The following ALMS1 variants were observed in gnomAD, a reference collection of about 807,000 sequenced individuals.
The protein encoded by ALMS1 is centrosome-associated protein ALMS1.
In ALMS1, 271 loss-of-function variants were observed where a neutral mutation model predicts 352.2. That is an observed-to-expected ratio of 0.77 (90% confidence interval 0.70 to 0.85). The LOEUF (loss-of-function observed/expected upper bound fraction) is 0.85, where lower values mean the gene tolerates loss of function less well. ALMS1 is among the 40% of genes least tolerant of loss of function. The pLI is 0.00. For synonymous variants in ALMS1, 1,865 were observed against 1,761.2 expected (o/e 1.06, Z -1.48); for missense variants, 5,445 against 4,870.7 (o/e 1.12, Z -3.51).
At chr2:73,458,056 T>TAAAAAA (rs1672109657) in intron 9 of ALMS1, 2 of 54,102 alleles carry the variant, frequency 3.7e-5, no homozygotes, top group African/African-American at 1.4e-4. Flanking sequence ...AAAAAAAAGG[T>TAAAAAA]CTAAAACTTT....
At chr2:73,517,132 A>G (rs767900671) in intron 10 of ALMS1, among the ~76,000 whole-genome samples, 5 of 151,866 alleles carry the variant, frequency 3.3e-5, no homozygotes, top group Non-Finnish European at 7.4e-5. Context: ...GACATACGGT[A>G]GAGACTCAAA....
chr2:73,496,229 G>A (rs1318207060), intron 10 of ALMS1, among the ~76,000 whole-genome samples: 3 of 152,062 alleles, frequency 2.0e-5, no homozygotes, highest in Non-Finnish European at 2.9e-5. Context: ...CCCCTATGCC[G>A]TTCCTTTGGA....
chr2:73,602,001 T>G (rs1675702543), intron 19 of ALMS1, among the ~76,000 whole-genome samples, 184 bp from the exon 20 acceptor site: 1 of 152,146 alleles, frequency 6.6e-6, no homozygotes, highest in African/African-American at 2.4e-5. Flanking sequence ...ATCCCTGCGG[T>G]TTCCAAGCTG....
At chr2:73,578,509 A>AT (rs1049753431) in intron 16 of ALMS1, among the ~76,000 whole-genome samples, 131 of 143,918 alleles carry the variant, frequency 9.1e-4, no homozygotes, top group African/African-American at 2.0e-3. Context: ...TTCCCTTTTC[A>AT]TTTTTTTTTT....
Position 73,386,183 on chromosome 2 carries a change from C to T in ALMS1, c.315C>T (p.Ser105=), listed in dbSNP as rs754611450. ...QHRYSEGERT[S]LEKIVPLTCH... The stretch of plus-strand genomic sequence containing the variant: ...GCTACTCGGAGGGCGAGCGGACCTC[C>T]CTGGAGAAGGTGAGGCGGGCCGGGG... The change falls in exon 1 of 23, where the codon TCC becomes TCT. Residue 105 remains serine (S), a synonymous_variant. Transcript: ENST00000613296. 42 of 1,541,992 alleles carry T rather than the reference C, an allele frequency of 2.7e-5. No individual in the cohort carries two copies. Among genetic ancestry groups the T allele is most frequent in the East Asian group, 1.7e-4 (7 of 40,386 alleles).
At chr2:73,400,408 T>C (rs1670851407) in intron 1 of ALMS1, among the ~76,000 whole-genome samples, 1 of 152,210 alleles carries the variant, frequency 6.6e-6, no homozygotes, top group South Asian at 2.1e-4. Context: ...GTTTTCTTTT[T>C]TGGTAATATG....
chr2:73,468,411 A>G (rs910177339), intron 9 of ALMS1, among the ~76,000 whole-genome samples: 2 of 152,032 alleles, frequency 1.3e-5, no homozygotes, highest in African/African-American at 2.4e-5. Flanking sequence ...ATTTACCTCA[A>G]CTGTTTTTAA....
chr2:73,489,921 T>G lies in ALMS1; in HGVS notation c.7962T>G (p.Phe2654Leu). ...TGCAGTTAAAAAGTCATTCCCCATT[T>G]CAGAACTTTATACCTGATGAATTCA... The part of the protein sequence containing the change: ...NSLQLKSHSP[F>L]QNFIPDEFKI... The change falls in exon 10 of 23, where the codon TTT becomes TTG. Residue 2654 changes from phenylalanine (F) to leucine (L), a missense_variant. Transcript: ENST00000613296. 6.2e-7 allele frequency: 1 copy of G among 1,614,194 alleles called. No homozygotes were observed. The highest frequency in any genetic ancestry group is 8.5e-7 in the Non-Finnish European group (1 of 1,180,028).
intron 13 of ALMS1, among the ~76,000 whole-genome samples, chr2:73,556,419 G>A (rs959927314): frequency 1.4e-4 from 22 of 152,142 alleles, no homozygotes; most frequent in African/African-American, 4.6e-4. Flanking sequence ...AAGAGAAATA[G>A]TATTAGACAA....
rs1675679219 is a variant in ALMS1 at position 73,601,262 on chromosome 2, T to C, written c.11940T>C (p.Thr3980=). The C allele has an allele frequency of 2.5e-6, 4 of 1,614,248 alleles. No homozygotes were observed. Among genetic ancestry groups the C allele is most frequent in the Admixed American group, 1.7e-5 (1 of 60,038 alleles). The change falls in exon 19 of 23, where the codon ACT becomes ACC. Residue 3980 remains threonine (T), a synonymous_variant. Transcript: ENST00000613296. ...CAAAGAAGGAAAACGTGCCTAACACTTGTGGCCCTGGCATCTCCTGGTTTG... is the reference window on the plus strand; with the variant it reads ...CAAAGAAGGAAAACGTGCCTAACACCTGTGGCCCTGGCATCTCCTGGTTTG... The part of the protein sequence containing the change: ...SRSKKENVPN[T]CGPGISWFEP...
At chr2:73,538,963 G>A (rs1231913381) in intron 12 of ALMS1, among the ~76,000 whole-genome samples, 1 of 152,190 alleles carries the variant, frequency 6.6e-6, no homozygotes, top group Non-Finnish European at 1.5e-5. Context: ...TGGGGGCAGG[G>A]CATAGCCAAA....
chr2:73,446,595 A>G (rs1416144991), intron 7 of ALMS1, among the ~76,000 whole-genome samples: 1 of 152,130 alleles, frequency 6.6e-6, no homozygotes, highest in Non-Finnish European at 1.5e-5. Flanking sequence ...AACCCATTTC[A>G]TTCTATATTC....
At chr2:73,502,395 T>G (rs1010237215) in intron 10 of ALMS1, among the ~76,000 whole-genome samples, 7 of 152,118 alleles carry the variant, frequency 4.6e-5, no homozygotes, top group East Asian at 1.9e-4. Context: ...TTCTCATGCC[T>G]TTTATTTCTT....
In ALMS1 at chr2:73,406,545, A is replaced by T. The variant is rs537744391; in HGVS notation, c.325-2077A>T. ...ATTTTTTTGGTAGGGATATATTTTG[A>T]TTCTCTTATTTCCTTTTGTGTATAT... On this transcript the variant is annotated intron_variant, in intron 1 of 22. Transcript: ENST00000613296. Among the ~76,000 whole-genome samples the T allele has an allele frequency of 6.0e-4, 84 of 139,116 alleles. 1 individual carries two copies. Among genetic ancestry groups the T allele is most frequent in the African/African-American group, 2.2e-3 (82 of 37,100 alleles). 91.3% of individuals were successfully genotyped at this position (139,116 alleles called of 152,430 possible). A position where few individuals can be genotyped will look rare whatever the true frequency, so the allele number is the denominator to read the frequency against.
At position 73,451,569 on chromosome 2, in the gene ALMS1, A is replaced by G. The variant is rs765044083; in HGVS notation, c.5042A>G (p.Asp1681Gly). The G allele has an allele frequency of 2.5e-6, 4 of 1,614,048 alleles. No individual in the cohort carries two copies. The highest frequency in any genetic ancestry group is 1.1e-5 in the South Asian group (1 of 91,078). The change falls in exon 8 of 23, where the codon GAC becomes GGC. Residue 1681 changes from aspartate (D) to glycine (G), a missense_variant. Physicochemically the swap from Asp to Gly is moderately conservative, Grantham distance 94. Coordinates refer to ENST00000613296, the MANE Select transcript of ALMS1 (RefSeq NM_001378454.1). ...ATTTTCTACCAGCAGACCCTATCAG[A>G]CAGTCATTTACCTGAAGAAGCTCTG... is the stretch of plus-strand genomic sequence containing the variant. ...PVIFYQQTLS[D>G]SHLPEEALKV...
intron 9 of ALMS1, among the ~76,000 whole-genome samples, chr2:73,460,482 A>G (rs774710863): frequency 1.1e-4 from 16 of 152,332 alleles, no homozygotes; most frequent in Non-Finnish European, 2.1e-4. Context: ...CCAAATAGGA[A>G]CAGCTCCGGT....
chr2:73,514,225 T>C (rs1055501992), intron 10 of ALMS1, among the ~76,000 whole-genome samples: 11 of 152,216 alleles, frequency 7.2e-5, no homozygotes, highest in Non-Finnish European at 1.2e-4. Context: ...ACATTTAATA[T>C]AATTATTGAG....
chr2:73,577,600 C>T (rs1485024887), intron 16 of ALMS1, among the ~76,000 whole-genome samples: 1 of 151,896 alleles, frequency 6.6e-6, no homozygotes, highest in African/African-American at 2.4e-5. Context: ...GCCTTCATTG[C>T]TTGCCATAAG....
At chr2:73,512,374 C>T (rs1310858333) in intron 10 of ALMS1, among the ~76,000 whole-genome samples, 3 of 151,742 alleles carry the variant, frequency 2.0e-5, no homozygotes, top group Non-Finnish European at 2.9e-5. Flanking sequence ...TAAGCTACCA[C>T]GCCTGTCCAC....
Sources: allele counts gnomAD v4.1 joint callset (sites outside exome capture counted in the v4.1 genomes callset), GRCh38; gene constraint gnomAD v4.1.1; transcripts MANE v1.5; gene names NCBI Gene and HGNC (gene_info 2026-07-23, HGNC 2026-07-21).